Variants in WWC2 observed in about 807,000 individuals in gnomAD.
WWC2 encodes WW and C2 domain containing 2.
WWC2 carries 101 observed loss-of-function variants against 138.5 expected under a neutral mutation model. The observed-to-expected ratio is 0.73, with a 90% CI of 0.62 to 0.86. WWC2 has a LOEUF of 0.86. Among genes scored for constraint, WWC2 ranks in the 40% least tolerant of loss-of-function variants. WWC2 has a pLI of 0.00. For synonymous variants in WWC2, 558 were observed against 538.4 expected (o/e 1.04, Z -0.50); for missense variants, 1,420 against 1,419.4 (o/e 1.00, Z -0.01).
chr4:183,186,452 A>C (rs992280701), intron 1 of WWC2, among the ~76,000 whole-genome samples: 6 of 152,220 alleles, frequency 3.9e-5, no homozygotes, highest in African/African-American at 1.4e-4. Flanking sequence ...TCCTGTTTAC[A>C]GCCTCTAGGT....
chr4:183,290,338 A>G (rs1303076489), intron 21 of WWC2, among the ~76,000 whole-genome samples: 1 of 152,024 alleles, frequency 6.6e-6, no homozygotes, highest in Non-Finnish European at 1.5e-5. Flanking sequence ...AAGATGCTGA[A>G]ACCTCGTCTT....
chr4:183,220,690 CG>C (rs1167134023), intron 4 of WWC2, among the ~76,000 whole-genome samples: 3 of 151,438 alleles, frequency 2.0e-5, no homozygotes, highest in Non-Finnish European at 4.4e-5. Context: ...AAAAAGTAGC[CG>C]GGCGTGGTGG....
chr4:183,204,463 C>T (rs761963517), intron 2 of WWC2, among the ~76,000 whole-genome samples: 2 of 152,144 alleles, frequency 1.3e-5, no homozygotes, highest in Admixed American at 6.5e-5. Flanking sequence ...GGAACCCACA[C>T]GGCCTTACTC....
chr4:183,282,520 C>T, intron 17 of WWC2, 188 bp from the exon 18 acceptor site: 1 of 593,336 alleles, frequency 1.7e-6, no homozygotes, highest in East Asian at 2.8e-5. Context: ...GATTTTGCTG[C>T]AGGTTACTAG....
intron 17 of WWC2, among the ~76,000 whole-genome samples, chr4:183,281,622 T>C (rs1367491994): frequency 6.6e-6 from 1 of 152,224 alleles, no homozygotes; most frequent in Non-Finnish European, 1.5e-5. Flanking sequence ...TGCATTTGTA[T>C]GTGTGTATAT....
intron 4 of WWC2, among the ~76,000 whole-genome samples, chr4:183,237,755 T>G (rs189741055): frequency 9.8e-5 from 15 of 152,360 alleles, no homozygotes; most frequent in Admixed American, 5.9e-4. Context: ...CAAAGCACTG[T>G]GCCTAAAGCT....
chr4:183,302,615 G>A (rs536788037), intron 21 of WWC2, among the ~76,000 whole-genome samples: 2 of 152,280 alleles, frequency 1.3e-5, no homozygotes, highest in South Asian at 4.1e-4. Context: ...AATTGGGAGG[G>A]AAAGTGAACA....
intron 1 of WWC2, among the ~76,000 whole-genome samples, chr4:183,118,396 CT>C (rs374676246): frequency 2.6e-5 from 4 of 151,452 alleles, no homozygotes; most frequent in Admixed American, 6.6e-5. Flanking sequence ...GGTTGCTGCA[CT>C]TTTTTTTTCT....
intron 1 of WWC2, among the ~76,000 whole-genome samples, chr4:183,122,846 G>GA (rs1272618595): frequency 6.6e-6 from 1 of 152,070 alleles, no homozygotes; most frequent in Admixed American, 6.6e-5. Context: ...AAGTAAATGA[G>GA]AAAGAAGAAA....
At chr4:183,306,249 A>G (rs1739020159) in intron 21 of WWC2, among the ~76,000 whole-genome samples, 1 of 152,238 alleles carries the variant, frequency 6.6e-6, no homozygotes, top group African/African-American at 2.4e-5. Flanking sequence ...CAAATAGAAA[A>G]CAGTAACAAA....
chr4:183,257,792 A>G (rs1473513663), intron 9 of WWC2, among the ~76,000 whole-genome samples: 2 of 152,122 alleles, frequency 1.3e-5, no homozygotes, highest in East Asian at 1.9e-4. Context: ...TGCTTCTCCC[A>G]GGGAAGGTTT....
intron 1 of WWC2, among the ~76,000 whole-genome samples, chr4:183,165,842 T>TA (rs1488268325): frequency 6.6e-6 from 1 of 152,240 alleles, no homozygotes; most frequent in African/African-American, 2.4e-5. Context: ...GTTTGATTTT[T>TA]AAAAAATGCT....
At chr4:183,219,563 GATAAT>G (rs1301763477) in intron 4 of WWC2, among the ~76,000 whole-genome samples, 1 of 152,086 alleles carries the variant, frequency 6.6e-6, no homozygotes, top group East Asian at 1.9e-4. Flanking sequence ...TTTAAACAAA[GATAAT>G]AAAATAGGTT....
At chr4:183,230,537 C>T (rs181750710) in intron 4 of WWC2, among the ~76,000 whole-genome samples, 96 of 152,244 alleles carry the variant, frequency 6.3e-4, no homozygotes, top group Middle Eastern at 3.4e-3. Flanking sequence ...GTCAGTCAGG[C>T]GCAGTGGCGC....
intron 1 of WWC2, among the ~76,000 whole-genome samples, chr4:183,144,258 G>C (rs527650201): frequency 6.6e-6 from 1 of 152,206 alleles, no homozygotes; most frequent in South Asian, 2.1e-4. Flanking sequence ...GTCTGAATCG[G>C]GGAGCTTTTG....
chr4:183,215,897 A>T (rs1375197224), intron 4 of WWC2, among the ~76,000 whole-genome samples: 1 of 152,192 alleles, frequency 6.6e-6, no homozygotes, highest in Non-Finnish European at 1.5e-5. Context: ...GTTAGAGAAT[A>T]TATAATCTGA....
At position 183,130,056 on chromosome 4, in the gene WWC2, C is replaced by CTT. The variant is rs534398108; in HGVS notation, c.131+30449_131+30450dup. Reference sequence around the variant, plus strand: ...AACACTCTTCTTTATTCCTAAGTATCTTTTTTTTTTTTTTTTGAGACAGTC... The same window carrying CTT: ...AACACTCTTCTTTATTCCTAAGTATCTTTTTTTTTTTTTTTTTTGAGACAGTC... On this transcript the variant is annotated intron_variant, in intron 1 of 22. Transcript: ENST00000403733. Among the ~76,000 whole-genome samples the CTT allele has an allele frequency of 5.1e-3, 709 of 139,772 alleles. 6 individuals carry two copies. Among genetic ancestry groups the CTT allele is most frequent in the African/African-American group, 0.017 (664 of 38,184 alleles). The allele number at this position is 139,772 out of a possible 152,430, so 91.7% of individuals were successfully genotyped here.
At chr4:183,225,159 G>A (rs575504899) in intron 4 of WWC2, among the ~76,000 whole-genome samples, 85 of 152,240 alleles carry the variant, frequency 5.6e-4, no homozygotes, top group African/African-American at 2.0e-3. Flanking sequence ...ATATGCATGA[G>A]TGTTTATTGC....
intron 16 of WWC2, among the ~76,000 whole-genome samples, chr4:183,272,448 A>G (rs1737721382): frequency 6.6e-6 from 1 of 152,258 alleles, no homozygotes; most frequent in Non-Finnish European, 1.5e-5. Context: ...TCACCCATTT[A>G]AAGTGTGACA....
Sources: allele counts gnomAD v4.1 joint callset (sites outside exome capture counted in the v4.1 genomes callset), GRCh38; gene constraint gnomAD v4.1.1; transcripts MANE v1.5; gene names NCBI Gene and HGNC (gene_info 2026-07-23, HGNC 2026-07-21).